Variants in ODAD2 observed in about 807,000 individuals in gnomAD.
ODAD2 encodes the protein outer dynein arm-docking complex subunit 2.
Under a neutral mutation model 106.8 loss-of-function variants are expected in ODAD2, and 89 were observed. The observed-to-expected ratio is 0.83, with a 90% CI of 0.70 to 0.99. ODAD2 has a LOEUF of 0.99. Ranked by LOEUF, ODAD2 falls within the 50% of genes least tolerant of loss-of-function variation. The pLI is 0.00. For missense variants in ODAD2, 1,168 were observed against 1,238.5 expected (o/e 0.94, Z 0.85); for synonymous variants, 404 against 436.2 (o/e 0.93, Z 0.92).
At chr10:27,989,053 T>C (rs760784496) in intron 2 of ODAD2, among the ~76,000 whole-genome samples, 4 of 152,196 alleles carry the variant, frequency 2.6e-5, no homozygotes, top group Non-Finnish European at 4.4e-5. Flanking sequence ...TAGGGGCCTC[T>C]AGAAGCTGGA....
chr10:27,853,882 TA>T (rs1394296181), intron 19 of ODAD2, among the ~76,000 whole-genome samples: 1 of 152,102 alleles, frequency 6.6e-6, no homozygotes, highest in Non-Finnish European at 1.5e-5. Flanking sequence ...CACAATTCAT[TA>T]AAAAAATAAA....
rs142524360 is a variant in ODAD2, at chr10:27,919,689, C to T, written c.2496-11912G>A. Among the ~76,000 whole-genome samples the T allele has an allele frequency of 6.1e-3, 922 of 152,156 alleles. 9 individuals carry two copies. The highest frequency in any genetic ancestry group is 0.021 in the African/African-American group (864 of 41,522). On this transcript the variant is annotated intron_variant, in intron 16 of 19. Transcript: ENST00000305242. Reference sequence around the variant, plus strand: ...ATTGGCACTGGTAGGAGTGTAAAATCGTACAATCACTTTTGTGTACTATTT... The same window carrying T: ...ATTGGCACTGGTAGGAGTGTAAAATTGTACAATCACTTTTGTGTACTATTT...
intron 16 of ODAD2, among the ~76,000 whole-genome samples, chr10:27,931,298 G>T (rs978605337): frequency 2.6e-5 from 4 of 152,028 alleles, no homozygotes; most frequent in Non-Finnish European, 5.9e-5. Flanking sequence ...TTGGAGTTGT[G>T]GCCATTCCCC....
chr10:27,931,051 T>G (rs1389408772), intron 16 of ODAD2, among the ~76,000 whole-genome samples: 2 of 152,174 alleles, frequency 1.3e-5, no homozygotes, highest in Non-Finnish European at 2.9e-5. Context: ...AATGCAAAAC[T>G]GGGTCTCTGA....
At chr10:27,837,833 C>T (rs1838014760) in intron 19 of ODAD2, among the ~76,000 whole-genome samples, 1 of 152,112 alleles carries the variant, frequency 6.6e-6, no homozygotes, top group Non-Finnish European at 1.5e-5. Flanking sequence ...CCATTGTGGT[C>T]CATCACTCCT....
intron 19 of ODAD2, among the ~76,000 whole-genome samples, chr10:27,849,751 G>A (rs1194409455): frequency 1.3e-5 from 2 of 152,174 alleles, no homozygotes; most frequent in Admixed American, 6.5e-5. Flanking sequence ...GAAGCAAAGT[G>A]CTAAATAAAT....
At chr10:27,909,377 G>T (rs1231905578) in intron 16 of ODAD2, among the ~76,000 whole-genome samples, 1 of 152,034 alleles carries the variant, frequency 6.6e-6, no homozygotes, top group African/African-American at 2.4e-5. Context: ...ACAAGTTATA[G>T]ACAAAATTTC....
In ODAD2 at chr10:27,860,811, A is replaced by G; in HGVS notation, c.2835T>C (p.Ala945=). 6.2e-7 allele frequency: 1 copy of G among 1,614,170 alleles called. No individual in the cohort carries two copies. The highest frequency in any genetic ancestry group is 8.5e-7 in the Non-Finnish European group (1 of 1,180,000). The change falls in exon 19 of 20, where the codon GCT becomes GCC. Residue 945 remains alanine (A), a synonymous_variant. Coordinates refer to ENST00000305242, the MANE Select transcript of ODAD2 (RefSeq NM_018076.5). The part of the protein sequence containing the change: ...NNKLRHHLAE[A]ISRCCMWGRN... ...TGCCCCACATACAGCAACGTGAAAT[A>G]GCTTCTGCTAGATGATGTCTCAATT...
intron 19 of ODAD2, among the ~76,000 whole-genome samples, chr10:27,856,910 T>C (rs758709954): frequency 5.3e-5 from 8 of 152,090 alleles, no homozygotes; most frequent in Non-Finnish European, 1.0e-4. Context: ...GGGGTTGCAG[T>C]GAGCCGAGAT....
intron 17 of ODAD2, among the ~76,000 whole-genome samples, chr10:27,882,222 A>AAAGG (rs1841785446): frequency 6.6e-6 from 1 of 151,282 alleles, no homozygotes; most frequent in African/African-American, 2.4e-5. Flanking sequence ...AGAAAGAAAG[A>AAAGG]AAGAAAGAAA....
chr10:27,990,811 C>T (rs564907266), intron 2 of ODAD2, among the ~76,000 whole-genome samples: 1 of 152,272 alleles, frequency 6.6e-6, no homozygotes, highest in South Asian at 2.1e-4. Flanking sequence ...GCTCTGGTGA[C>T]CTGACTTCCT....
intron 16 of ODAD2, among the ~76,000 whole-genome samples, chr10:27,919,434 T>C (rs1447759947): frequency 6.6e-6 from 1 of 152,054 alleles, no homozygotes; most frequent in Non-Finnish European, 1.5e-5. Flanking sequence ...TAATAATGCA[T>C]ATGTGTTCAA....
chr10:27,871,481 G>T (rs1840881255), intron 17 of ODAD2, among the ~76,000 whole-genome samples: 1 of 152,102 alleles, frequency 6.6e-6, no homozygotes, highest in Admixed American at 6.5e-5. Flanking sequence ...GGGCTTGTAT[G>T]GTTTTAGGTC....
In ODAD2 at chr10:27,901,248, C is replaced by G. The variant is rs1345998025; in HGVS notation, c.2610+6415G>C. Among the ~76,000 whole-genome samples, 5 of 152,166 alleles carry G rather than the reference C, an allele frequency of 3.3e-5. No individual in the cohort carries two copies. The East Asian group carries it at 9.6e-4, about 29-fold the overall frequency. ...AGCGAAGGAGAAATAAAATCCTTTA[C>G]AGACAATCAAATGCTGTGAGATTTT... On this transcript the variant is annotated intron_variant, in intron 17 of 19. Coordinates refer to ENST00000305242, the MANE Select transcript of ODAD2 (RefSeq NM_018076.5).
chr10:27,963,960 G>A (rs182991609), intron 9 of ODAD2, among the ~76,000 whole-genome samples: 16 of 152,226 alleles, frequency 1.1e-4, no homozygotes, highest in South Asian at 8.3e-4. Context: ...GGTGGCTCAC[G>A]CCTGTAATCC....
At position 27,944,191 on chromosome 10, in the gene ODAD2, A is replaced by C. The variant is rs3824590; in HGVS notation, c.1743+31T>G. On this transcript the variant is annotated intron_variant, in intron 12 of 19. Transcript: ENST00000305242. ...GCTGTGTGCAGTGGCGGCTGGCACT[A>C]GATGACGATGACAACATCACGGCTA... is the stretch of plus-strand genomic sequence containing the variant. 0.54 allele frequency: 845,908 copies of C among 1,572,718 alleles called. 228,450 individuals carry two copies. The highest frequency in any genetic ancestry group is 0.66 in the Middle Eastern group (2,902 of 4,428).
At chr10:27,981,348 A>G in intron 7 of ODAD2, 118 bp downstream of exon 7, 3 of 896,022 alleles carry the variant, frequency 3.3e-6, no homozygotes, top group Non-Finnish European at 4.7e-6. Flanking sequence ...GTAAAAAAAA[A>G]CCACTAATAA....
chr10:27,963,866 C>G (rs1377680622), intron 9 of ODAD2, among the ~76,000 whole-genome samples: 1 of 152,104 alleles, frequency 6.6e-6, no homozygotes, highest in African/African-American at 2.4e-5. Flanking sequence ...TTAAATGTCT[C>G]ATTTTAATTC....
At chr10:27,818,503 C>T (rs1456721953) in intron 19 of ODAD2, among the ~76,000 whole-genome samples, 2 of 152,106 alleles carry the variant, frequency 1.3e-5, no homozygotes, top group Non-Finnish European at 2.9e-5. Flanking sequence ...GTTATTACAG[C>T]CAGGTCATCA....
Sources: gnomAD v4.1 joint callset for allele counts (sites outside exome capture counted in the v4.1 genomes callset) on GRCh38, gnomAD v4.1.1 for gene constraint, MANE v1.5 for transcripts, NCBI Gene and HGNC (gene_info 2026-07-23, HGNC 2026-07-21) for gene names.